Variants in APBB2 observed in about 807,000 individuals in gnomAD.
APBB2 encodes Fe65-like 1.
In APBB2, 38 loss-of-function variants were observed where a neutral mutation model predicts 82.5. The ratio of observed to expected loss-of-function variants is 0.46; its 90% CI spans 0.36 to 0.60. The LOEUF (loss-of-function observed/expected upper bound fraction) is 0.60. Among genes scored for constraint, APBB2 ranks in the 20% least tolerant of loss-of-function variants. The pLI, the probability that APBB2 is intolerant of heterozygous loss-of-function variation, is 0.00. For synonymous variants in APBB2, 341 were observed against 368.2 expected, an observed-to-expected ratio of 0.93 and a Z score of 0.85; for missense variants, 772 against 972.3, an observed-to-expected ratio of 0.79 and a Z score of 2.74.
intron 6 of APBB2, among the ~76,000 whole-genome samples, chr4:40,989,143 C>G (rs916798113): frequency 6.6e-6 from 1 of 152,194 alleles, no homozygotes; most frequent in African/African-American, 2.4e-5. Context: ...TTCCACCTCA[C>G]TTACTGATAC....
intron 3 of APBB2, among the ~76,000 whole-genome samples, chr4:41,079,308 A>G (rs1234680102): frequency 1.3e-5 from 2 of 152,212 alleles, no homozygotes; most frequent in Non-Finnish European, 2.9e-5. Flanking sequence ...TGCTTAAACC[A>G]TTAAGCTAGT....
At chr4:41,024,967 G>A (rs573178971) in intron 5 of APBB2, among the ~76,000 whole-genome samples, 6 of 152,208 alleles carry the variant, frequency 3.9e-5, no homozygotes, top group South Asian at 2.1e-4. Flanking sequence ...TTGCTTTCAC[G>A]CCACTACGAT....
chr4:41,125,616 G>A (rs1047294374), intron 2 of APBB2, among the ~76,000 whole-genome samples: 1 of 152,180 alleles, frequency 6.6e-6, no homozygotes, highest in Non-Finnish European at 1.5e-5. Context: ...ATTGGAATGT[G>A]AAATGAAAAC....
chr4:40,868,379 T>C (rs942683283), intron 12 of APBB2, among the ~76,000 whole-genome samples: 3 of 152,180 alleles, frequency 2.0e-5, no homozygotes, highest in African/African-American at 7.2e-5. Flanking sequence ...TTCTCTCATA[T>C]AGAAAATTTT....
chr4:41,073,368 G>A (rs895464438), intron 3 of APBB2, among the ~76,000 whole-genome samples: 1 of 151,978 alleles, frequency 6.6e-6, no homozygotes, highest in Admixed American at 6.6e-5. Context: ...GCATCTTTGT[G>A]GATCTTATTT....
chr4:41,059,080 G>T (rs1485960849), intron 4 of APBB2, among the ~76,000 whole-genome samples: 1 of 151,774 alleles, frequency 6.6e-6, no homozygotes, highest in African/African-American at 2.4e-5. Context: ...TCACCAACAA[G>T]AAATCAAAAT....
chr4:40,864,420 C>G (rs1763558165), intron 12 of APBB2, among the ~76,000 whole-genome samples: 1 of 152,044 alleles, frequency 6.6e-6, no homozygotes, highest in Non-Finnish European at 1.5e-5. Flanking sequence ...AGGATGTGCC[C>G]TTTATCTAAA....
intron 12 of APBB2, among the ~76,000 whole-genome samples, chr4:40,888,652 G>A (rs1164351117): frequency 2.8e-5 from 4 of 143,530 alleles, no homozygotes; most frequent in African/African-American, 5.3e-5. Flanking sequence ...CTCCTGCCTC[G>A]CACACGTATG....
chr4:40,904,633 G>C (rs79542621), intron 10 of APBB2, among the ~76,000 whole-genome samples: 1 of 150,090 alleles, frequency 6.7e-6, no homozygotes, highest in Non-Finnish European at 1.5e-5. Flanking sequence ...AGGCAGAAAC[G>C]ATCACTGTCA....
chr4:41,109,448 G>A (rs886431444), intron 2 of APBB2, among the ~76,000 whole-genome samples: 6 of 151,586 alleles, frequency 4.0e-5, no homozygotes, highest in South Asian at 2.1e-4. Flanking sequence ...GTGCCACCAC[G>A]CCCAGCTAAT....
Position 40,946,232 on chromosome 4 carries a change from CAAAA to C in APBB2, c.836-1163_836-1160del, listed in dbSNP as rs55995119. Among the ~76,000 whole-genome samples, 273 of 78,680 alleles carry C rather than the reference CAAAA, an allele frequency of 3.5e-3. 5 individuals are homozygous for C. Among genetic ancestry groups the C allele is most frequent in the South Asian group, 0.022 (48 of 2,210 alleles). 51.6% of individuals were successfully genotyped at this position (78,680 alleles called of 152,430 possible). On this transcript the variant is annotated intron_variant, in intron 6 of 17. Transcript: ENST00000508593. ...GGGCGACAGAGTGAGACTCTATCTC[CAAAA>C]AAAAAAAAAAAAAAAAAACATTCCC...
chr4:41,064,211 C>A (rs1309909592), intron 4 of APBB2, among the ~76,000 whole-genome samples: 1 of 139,220 alleles, frequency 7.2e-6, no homozygotes, highest in Admixed American at 7.3e-5. Context: ...ATCTCCTGAT[C>A]TTGTGATCCG....
chr4:41,069,834 T>C (rs1016697659), intron 3 of APBB2, among the ~76,000 whole-genome samples: 1 of 152,232 alleles, frequency 6.6e-6, no homozygotes, highest in African/African-American at 2.4e-5. Context: ...CAGCTGCATT[T>C]ATACTTTTCA....
At chr4:41,075,511 A>G (rs1471414686) in intron 3 of APBB2, among the ~76,000 whole-genome samples, 1 of 152,202 alleles carries the variant, frequency 6.6e-6, no homozygotes. Flanking sequence ...AGGGTCCAAC[A>G]TTATTCATGG....
chr4:41,120,156 G>C (rs1752372823), intron 2 of APBB2, among the ~76,000 whole-genome samples: 1 of 151,968 alleles, frequency 6.6e-6, no homozygotes, highest in Non-Finnish European at 1.5e-5. Flanking sequence ...TGCCAGCTGT[G>C]TTTTCACTCT....
intron 10 of APBB2, among the ~76,000 whole-genome samples, chr4:40,894,818 G>A (rs1327669343): frequency 1.3e-5 from 2 of 152,146 alleles, no homozygotes; most frequent in African/African-American, 2.4e-5. Context: ...CCCAGTGCAG[G>A]TAAGGGTGAC....
intron 1 of APBB2, among the ~76,000 whole-genome samples, chr4:41,166,951 G>A (rs1004172527): frequency 5.9e-5 from 9 of 152,306 alleles, no homozygotes; most frequent in African/African-American, 2.2e-4. Context: ...TGCAAGTGGT[G>A]GGTGACTGAA....
At chr4:41,011,122 G>C (rs1250157655) in intron 6 of APBB2, among the ~76,000 whole-genome samples, 1 of 147,740 alleles carries the variant, frequency 6.8e-6, no homozygotes, top group Non-Finnish European at 1.5e-5. Flanking sequence ...ACAACATTTG[G>C]GTAAATTTTA....
chr4:40,857,358 C>T (rs1412877426), intron 12 of APBB2, among the ~76,000 whole-genome samples: 1 of 152,268 alleles, frequency 6.6e-6, no homozygotes, highest in Non-Finnish European at 1.5e-5. Context: ...CCAACATACT[C>T]CCTTCCTGTA....
Sources: gnomAD v4.1 joint callset for allele counts (sites outside exome capture counted in the v4.1 genomes callset) on GRCh38, gnomAD v4.1.1 for gene constraint, MANE v1.5 for transcripts, NCBI Gene and HGNC (gene_info 2026-07-23, HGNC 2026-07-21) for gene names.